Variants in MYO19 observed in about 807,000 individuals in gnomAD.
MYO19 encodes unconventional myosin-XIX.
Under a neutral mutation model 129.2 loss-of-function variants are expected in MYO19, and 132 were observed. The observed-to-expected ratio is 1.02, with a 90% CI of 0.89 to 1.18. MYO19 has a LOEUF of 1.18. Among genes scored for constraint, MYO19 ranks in the 50% most tolerant of loss-of-function variants. The pLI is 0.00. For synonymous variants in MYO19, 531 were observed against 477.2 expected, an observed-to-expected ratio of 1.11 and a Z score of -1.47; for missense variants, 1,210 against 1,216.7, an observed-to-expected ratio of 0.99 and a Z score of 0.08.
rs2070965904 is a variant in MYO19, at chr17:36,496,352, G to C, written c.2812C>G (p.Pro938Ala). ...GTAATGCTGTAGGGTGAAGGTTCAG[G>C]GCAGATGTCAGCATACCGCAGTGGA... The part of the protein sequence containing the change: ...KSPLRYADIC[P>A]EPSPYSITGF... Residue 938 changes from proline to alanine, a missense_variant, in exon 26 of 26, where the codon CCT becomes GCT. Pro to Ala is a conservative substitution (Grantham distance 27). Coordinates refer to ENST00000614623, the MANE Select transcript of MYO19 (RefSeq NM_001163735.2). The C allele has an allele frequency of 1.2e-6, 2 of 1,613,824 alleles. No individual in the cohort carries two copies. Among genetic ancestry groups the C allele is most frequent in the Non-Finnish European group, 1.7e-6 (2 of 1,179,872 alleles).
At position 36,496,135 on chromosome 17, in the gene MYO19, G is replaced by T; in HGVS notation, c.*116C>A. The T allele has an allele frequency of 7.2e-7, 1 of 1,392,256 alleles. No homozygotes were observed. The highest frequency in any genetic ancestry group is 1.0e-6 in the Non-Finnish European group (1 of 1,004,776). 86.2% of individuals were successfully genotyped at this position (1,392,256 alleles called of 1,614,324 possible). A position where few individuals can be genotyped will look rare whatever the true frequency, so the allele number is the denominator to read the frequency against. ...TGGGTCGAAGGCTGGAGCCGTCACT[G>T]TTGTTCATGTGCATTTGGAGCACTG... On this transcript the variant is annotated 3_prime_UTR_variant, in exon 26 of 26. Transcript: ENST00000614623.
chr17:36,525,114 T>C (rs1011178835), intron 6 of MYO19, 114 bp downstream of exon 6: 4 of 768,462 alleles, frequency 5.2e-6, no homozygotes, highest in Middle Eastern at 3.2e-4. Context: ...AGCCAGCCTA[T>C]GTGGGAATGA....
At chr17:36,531,538 T>C (rs2073836937) in intron 3 of MYO19, among the ~76,000 whole-genome samples, 1 of 151,802 alleles carries the variant, frequency 6.6e-6, no homozygotes, top group Admixed American at 6.6e-5. Flanking sequence ...CATTGAAAAG[T>C]ATTATATTTT....
intron 6 of MYO19, among the ~76,000 whole-genome samples, chr17:36,524,996 T>C (rs908038030): frequency 6.6e-6 from 1 of 152,210 alleles, no homozygotes; most frequent in Non-Finnish European, 1.5e-5. Context: ...ACTTCATTCC[T>C]ATTTCACCCA....
intron 2 of MYO19, chr17:36,533,073 G>C (rs1190214007): frequency 6.4e-6 from 1 of 156,584 alleles, no homozygotes; most frequent in African/African-American, 2.4e-5. Context: ...TCCAGGAAAG[G>C]TGTGGTGTGG....
chr17:36,512,213 ACACACACACAC>A (rs2072388150), intron 11 of MYO19, among the ~76,000 whole-genome samples: 1 of 150,256 alleles, frequency 6.7e-6, no homozygotes, highest in African/African-American at 2.5e-5. Flanking sequence ...ACACACACAC[ACACACACACAC>A]ACACACACAC....
upstream of MYO19, chr17:36,535,517 G>T (rs1000473781): frequency 2.0e-5 from 3 of 152,388 alleles, no homozygotes; most frequent in East Asian, 3.9e-4. Flanking sequence ...GTTCCCGCGT[G>T]GTTTGGCGGG....
chr17:36,503,568 A>T (rs2071679640), intron 20 of MYO19, among the ~76,000 whole-genome samples: 1 of 151,920 alleles, frequency 6.6e-6, no homozygotes, highest in Non-Finnish European at 1.5e-5. Flanking sequence ...CTCCCCTCTG[A>T]CCTCTCTGAC....
At position 36,525,312 on chromosome 17, in the gene MYO19, A is replaced by G; in HGVS notation, c.330T>C (p.Gly110=). ...QKLKPHVFTV[G]EQTYRNVKSL... is the part of the protein sequence containing the mutation. ...TCTTGACATTCCTGTAGGTCTGTTC[A>G]CCCACAGTGAACACATGGGGCTTCA... is the stretch of plus-strand genomic sequence containing the variant. The change falls in exon 6 of 26, where the codon GGT becomes GGC. Residue 110 remains glycine (G), a synonymous_variant. Coordinates refer to ENST00000614623, the MANE Select transcript of MYO19 (RefSeq NM_001163735.2). 6.2e-7 allele frequency: 1 copy of G among 1,613,720 alleles called. No homozygotes were observed. Among genetic ancestry groups the G allele is most frequent in the Middle Eastern group, 1.7e-4 (1 of 6,060 alleles).
chr17:36,531,747 C>A (rs910767214), intron 3 of MYO19, among the ~76,000 whole-genome samples: 2 of 152,196 alleles, frequency 1.3e-5, no homozygotes, highest in South Asian at 4.1e-4. Flanking sequence ...GCTGGCAGGC[C>A]CCACACCTGG....
At chr17:36,533,884 T>A (rs556351800) in intron 2 of MYO19, 69 bp downstream of exon 2, 33 of 152,356 alleles carry the variant, frequency 2.2e-4, no homozygotes, top group African/African-American at 6.7e-4. Flanking sequence ...CTCTGTTTCC[T>A]CGTTTACAAA....
At chr17:36,505,076 A>G in intron 19 of MYO19, 1 of 746,094 alleles carries the variant, frequency 1.3e-6, no homozygotes, top group South Asian at 1.4e-5. Context: ...AACAAGATGC[A>G]CTGGAACTTG....
intron 24 of MYO19, 80 bp downstream of exon 24, chr17:36,498,994 CA>C: frequency 8.7e-7 from 1 of 1,150,260 alleles, no homozygotes; most frequent in Non-Finnish European, 1.3e-6. Flanking sequence ...ATTGCAGTGG[CA>C]GAGCCAGCAT....
intron 11 of MYO19, among the ~76,000 whole-genome samples, chr17:36,511,877 T>C (rs2072354506): frequency 6.6e-6 from 1 of 152,188 alleles, no homozygotes; most frequent in African/African-American, 2.4e-5. Context: ...TTGTCTCTGC[T>C]TCCTTGAGCC....
Position 36,506,508 on chromosome 17 carries a change from T to C in MYO19, c.1745A>G (p.Glu582Gly). The C allele has an allele frequency of 6.2e-7, 1 of 1,607,536 alleles. No individual in the cohort carries two copies. The highest frequency in any genetic ancestry group is 8.5e-7 in the Non-Finnish European group (1 of 1,177,908). ...PTNPKEKTQEEPPGQSRAPVL... is the reference protein window; with the variant it reads ...PTNPKEKTQEGPPGQSRAPVL... ...AGGGGCCCTGCTCTGGCCAGGGGGT[T>C]CCTCCTGGGTCTTCTCTTTGGGGTT... Residue 582 changes from glutamate (E) to glycine (G), a missense_variant, in exon 18 of 26, where the codon GAA becomes GGA. Physicochemically the swap from Glu to Gly is moderately conservative, Grantham distance 98. Transcript: ENST00000614623.
chr17:36,522,492 C>T (rs2073195782), intron 6 of MYO19, among the ~76,000 whole-genome samples: 1 of 150,676 alleles, frequency 6.6e-6, no homozygotes, highest in Admixed American at 6.6e-5. Context: ...GCCTAGGCGA[C>T]AGTGCGAGAC....
At chr17:36,526,828 G>T (rs1040139226) in intron 5 of MYO19, among the ~76,000 whole-genome samples, 4 of 152,074 alleles carry the variant, frequency 2.6e-5, no homozygotes, top group African/African-American at 9.7e-5. Flanking sequence ...CGGAGGTTGC[G>T]GTGAGTCAAG....
At chr17:36,532,736 T>C in intron 2 of MYO19, 55 bp from the exon 3 acceptor site, 1 of 647,540 alleles carries the variant, frequency 1.5e-6, no homozygotes, top group East Asian at 2.8e-5. Context: ...TTTTCTGGAG[T>C]GACTCACTCA....
At chr17:36,512,877 G>A (rs2072461542) in intron 11 of MYO19, 7 of 1,164,106 alleles carry the variant, frequency 6.0e-6, no homozygotes, top group Non-Finnish European at 7.6e-6. Flanking sequence ...AGCTCACCTG[G>A]GGCAGTCTCA....
Sources: gnomAD v4.1 joint callset for allele counts (sites outside exome capture counted in the v4.1 genomes callset) on GRCh38, gnomAD v4.1.1 for gene constraint, MANE v1.5 for transcripts, NCBI Gene and HGNC (gene_info 2026-07-23, HGNC 2026-07-21) for gene names.